ATAD3C: variants seen among roughly 807,000 people sequenced by gnomAD.
The protein encoded by ATAD3C is ATPase family AAA domain-containing protein 3C.
In ATAD3C, 38 loss-of-function variants were observed where a neutral mutation model predicts 46.3. The observed-to-expected ratio is 0.82, with a 90% CI of 0.63 to 1.08. The LOEUF is 1.08. Among genes scored for constraint, ATAD3C ranks in the 50% least tolerant of loss-of-function variants. The probability of loss-of-function intolerance (pLI) is 0.00; values close to 1 mark genes in which losing one functional copy is unlikely to be tolerated. For missense variants in ATAD3C, 563 were observed against 572.7 expected, an observed-to-expected ratio of 0.98 and a Z score of 0.17; for synonymous variants, 220 against 236.4, an observed-to-expected ratio of 0.93 and a Z score of 0.63.
chr1:1,450,800 G>A (rs982928634), intron 1 of ATAD3C, 42 bp downstream of exon 1: 1 of 1,609,442 alleles, frequency 6.2e-7, no homozygotes, highest in Non-Finnish European at 8.5e-7. Context: ...GGGCACACAT[G>A]GGGTTCGGGC....
intron 3 of ATAD3C, among the ~76,000 whole-genome samples, chr1:1,452,931 C>T (rs1200236610): frequency 1.3e-5 from 2 of 152,184 alleles, no homozygotes; most frequent in Non-Finnish European, 2.9e-5. Flanking sequence ...CCTTTAAAGC[C>T]TCACTCTTTT....
chr1:1,460,055 G>A (rs1409632810), intron 9 of ATAD3C, among the ~76,000 whole-genome samples: 1 of 151,108 alleles, frequency 6.6e-6, no homozygotes, highest in East Asian at 2.0e-4. Context: ...CCTGCTCCTG[G>A]CTCGCGTGGC....
In ATAD3C at chr1:1,468,478, G is replaced by A. The variant is rs376595246; in HGVS notation, c.1184G>A (p.Arg395His). The change falls in exon 12 of 12, where the codon CGC becomes CAC. Residue 395 changes from arginine (R) to histidine (H), a missense_variant. By Grantham distance (29) the Arg-to-His change is conservative. This residue lies in a region of ATAD3C where 273 missense variants were observed against 253.5 expected (regional missense o/e 1.08). Coordinates refer to ENST00000378785, the MANE Select transcript of ATAD3C (RefSeq NM_001039211.3). ...DFVQQHQQMM[R>H]WLKGERPGPE... is the part of the protein sequence containing the mutation. ...GTCCAGCAGCACCAGCAGATGATGC[G>A]CTGGCTGAAGGGGGAGAGGCCTGGG... 92 of 1,612,184 alleles carry A rather than the reference G, an allele frequency of 5.7e-5. 1 individual carries two copies. The East Asian group carries it at 1.3e-3, about 23-fold the overall frequency.
intron 5 of ATAD3C, 61 bp from the exon 6 acceptor site, chr1:1,455,730 C>A: frequency 6.2e-7 from 1 of 1,604,438 alleles, no homozygotes. Flanking sequence ...CTCGCAGCCC[C>A]TGCCCCCGAG....
At chr1:1,457,496 T>C (rs1256767614) in intron 8 of ATAD3C, among the ~76,000 whole-genome samples, 1 of 143,196 alleles carries the variant, frequency 7.0e-6, no homozygotes, top group African/African-American at 2.6e-5. Flanking sequence ...CTCGGGAGGC[T>C]GAGGCAGGAG....
chr1:1,457,304 A>G, intron 8 of ATAD3C, 124 bp downstream of exon 8: 1 of 1,523,748 alleles, frequency 6.6e-7, no homozygotes, highest in Admixed American at 1.8e-5. Context: ...TGAAAAACAC[A>G]GCATTTTTGG....
In ATAD3C at chr1:1,462,432, G is replaced by A. The variant is rs1012944408; in HGVS notation, c.981-168G>A. ...AGCCGCCCCCTTCCTGCTCAGCCCA[G>A]GCCTGGCTTGCGTCAGGAAGGGGGC... On this transcript the variant is annotated intron_variant, in intron 10 of 11. Transcript: ENST00000378785. This position sits in a 1 kb window ranked among gnomAD's most constrained non-coding sequence, Gnocchi z 4.5. The A allele has an allele frequency of 2.8e-6, 2 of 704,282 alleles. No homozygotes were observed. The highest frequency in any genetic ancestry group is 4.8e-6 in the Non-Finnish European group (2 of 412,992). 43.6% of individuals were successfully genotyped at this position (704,282 alleles called of 1,614,324 possible).
chr1:1,468,758 AG>A lies in ATAD3C; in HGVS notation c.*229del. 1.2e-6 allele frequency: 1 copy of A among 811,734 alleles called. No homozygotes were observed. Among genetic ancestry groups the A allele is most frequent in the Non-Finnish European group, 1.9e-6 (1 of 533,362 alleles). 50.3% of individuals were successfully genotyped at this position (811,734 alleles called of 1,614,324 possible). A position where few individuals can be genotyped will look rare whatever the true frequency, so the allele number is the denominator to read the frequency against. Reference sequence around the variant, plus strand: ...GGGGCTTTCTGGAGGATTTAACCACAGAGGGGTGGGCTTCACAGGAGGTGGC... The same window carrying A: ...GGGGCTTTCTGGAGGATTTAACCACAAGGGGTGGGCTTCACAGGAGGTGGC... On this transcript the variant is annotated 3_prime_UTR_variant, in exon 12 of 12. Coordinates refer to ENST00000378785, the MANE Select transcript of ATAD3C (RefSeq NM_001039211.3).
chr1:1,465,219 C>T (rs774579082), intron 11 of ATAD3C, among the ~76,000 whole-genome samples: 8 of 151,818 alleles, frequency 5.3e-5, no homozygotes, highest in Non-Finnish European at 7.4e-5. Context: ...TTCACCTTCT[C>T]GGTCAAGTGA....
intron 3 of ATAD3C, 115 bp downstream of exon 3, chr1:1,452,549 G>C: frequency 3.9e-6 from 6 of 1,542,742 alleles, no homozygotes; most frequent in Non-Finnish European, 5.3e-6. Flanking sequence ...CGCTCTCCCA[G>C]CATGGAACAA....
intron 11 of ATAD3C, among the ~76,000 whole-genome samples, chr1:1,465,806 T>C (rs574708040): frequency 1.4e-4 from 21 of 151,952 alleles, no homozygotes; most frequent in African/African-American, 5.1e-4. Context: ...CTTTTTCTTG[T>C]CTAATGGCCC....
In ATAD3C at chr1:1,459,293, C is replaced by T; in HGVS notation, c.812+62C>T. 2 of 1,610,770 alleles carry T rather than the reference C, an allele frequency of 1.2e-6. No homozygotes were observed. The highest frequency in any genetic ancestry group is 1.7e-6 in the Non-Finnish European group (2 of 1,179,334). On this transcript the variant is annotated intron_variant, in intron 9 of 11. Coordinates refer to ENST00000378785, the MANE Select transcript of ATAD3C (RefSeq NM_001039211.3). The surrounding 1 kb of genome is among the most constrained non-coding windows in gnomAD (Gnocchi z 4.9). ...GGCTGTGCAGCCGTCACCCTTGGTT[C>T]CCACCGAGGGACCTGAGGGGCCCTG...
chr1:1,453,970 G>C (rs969691211), intron 3 of ATAD3C, among the ~76,000 whole-genome samples: 4 of 152,008 alleles, frequency 2.6e-5, no homozygotes, highest in Non-Finnish European at 4.4e-5. Flanking sequence ...ACGAGTTAGA[G>C]ATTTTGGGTT....
rs1001429441 is a variant in ATAD3C, at chr1:1,469,294, A to G, written c.*764A>G. The G allele has an allele frequency of 2.0e-5, 3 of 149,526 alleles. No homozygotes were observed. Among genetic ancestry groups the G allele is most frequent in the Non-Finnish European group, 4.5e-5 (3 of 67,172 alleles). The allele number at this position is 149,526 out of a possible 1,614,324, so 9.3% of individuals were successfully genotyped here. On this transcript the variant is annotated 3_prime_UTR_variant, in exon 12 of 12. Coordinates refer to ENST00000378785, the MANE Select transcript of ATAD3C (RefSeq NM_001039211.3). Reference sequence around the variant, plus strand: ...AGAGTCAAACTCCCTCTAAAAAAAAAAAAAAAAAAAGGGCCAGGTGGCACA... The same window carrying G: ...AGAGTCAAACTCCCTCTAAAAAAAAGAAAAAAAAAAGGGCCAGGTGGCACA...
rs1286063632 is a variant in ATAD3C, at chr1:1,469,847, TGAAG to T, written c.*1318_*1321del. ...ATACATCCAGATGGCCTGAAGCAAC[TGAAG>T]ATCCACAAAATAAGTGAAAAGAGCC... On this transcript the variant is annotated 3_prime_UTR_variant, in exon 12 of 12. Transcript: ENST00000378785. 6.6e-6 allele frequency: 1 copy of T among 151,990 alleles called. No homozygotes were observed. Among genetic ancestry groups the T allele is most frequent in the African/African-American group, 2.4e-5 (1 of 41,332 alleles). The allele number at this position is 151,990 out of a possible 1,614,324, so 9.4% of individuals were successfully genotyped here. A position where few individuals can be genotyped will look rare whatever the true frequency, so the allele number is the denominator to read the frequency against.
In ATAD3C at chr1:1,451,943, C is replaced by T. The variant is rs1638867085; in HGVS notation, c.76-103C>T. On this transcript the variant is annotated intron_variant, in intron 1 of 11. Coordinates refer to ENST00000378785, the MANE Select transcript of ATAD3C (RefSeq NM_001039211.3). ...TCTGCAGGTCCCCAGGTGCCCGGGA[C>T]GCTTGGAGCCCTGCGGTCCTGGGGC... 6.0e-6 allele frequency: 9 copies of T among 1,511,182 alleles called. No individual in the cohort carries two copies. The South Asian group carries it at 6.3e-5, about 11-fold the overall frequency. 93.6% of individuals were successfully genotyped at this position (1,511,182 alleles called of 1,614,324 possible).
intron 5 of ATAD3C, 80 bp from the exon 6 acceptor site, chr1:1,455,711 C>A: frequency 6.3e-7 from 1 of 1,591,646 alleles, no homozygotes; most frequent in Non-Finnish European, 8.6e-7. Context: ...GAGTCCACAC[C>A]CAGGCATTCT....
chr1:1,459,732 C>T lies in ATAD3C; in HGVS notation c.812+501C>T, dbSNP rs1639025276. Reference sequence around the variant, plus strand: ...GCACCCTCCAGGCTTGGGGCCCACCCGACTTTGTGTGGCCTCTGTGGGCTG... The same window carrying T: ...GCACCCTCCAGGCTTGGGGCCCACCTGACTTTGTGTGGCCTCTGTGGGCTG... On this transcript the variant is annotated intron_variant, in intron 9 of 11. Coordinates refer to ENST00000378785, the MANE Select transcript of ATAD3C (RefSeq NM_001039211.3). This position sits in a 1 kb window ranked among gnomAD's most constrained non-coding sequence, Gnocchi z 4.9. Among the ~76,000 whole-genome samples the T allele has an allele frequency of 6.6e-6, 1 of 151,976 alleles. No homozygotes were observed. The highest frequency in any genetic ancestry group is 1.5e-5 in the Non-Finnish European group (1 of 67,966).
In ATAD3C at chr1:1,461,642, T is replaced by TCGG. The variant is rs1557780472; in HGVS notation, c.980+725_980+726insCGG. Reference sequence around the variant, plus strand: ...AGAGTCTCCTCATGAGACCCCCATGTAGGGACTGGAGGGAGAGGCTCCTCA... The same window carrying TCGG: ...AGAGTCTCCTCATGAGACCCCCATGTCGGAGGGACTGGAGGGAGAGGCTCCTCA... On this transcript the variant is annotated intron_variant, in intron 10 of 11. Coordinates refer to ENST00000378785, the MANE Select transcript of ATAD3C (RefSeq NM_001039211.3). 4.2e-4 allele frequency among the ~76,000 whole-genome samples: 63 copies of TCGG among 150,066 alleles called. 1 individual carries two copies. Among genetic ancestry groups the TCGG allele is most frequent in the East Asian group, 1.6e-3 (8 of 5,078 alleles).
Sources: allele counts gnomAD v4.1 joint callset (sites outside exome capture counted in the v4.1 genomes callset), GRCh38; gene constraint gnomAD v4.1.1; regional missense constraint gnomAD v4.1.1; non-coding constraint Gnocchi (gnomAD v3.1); transcripts MANE v1.5; gene names NCBI Gene and HGNC (gene_info 2026-07-23, HGNC 2026-07-21).